The following TMEM132D variants were observed in gnomAD, a reference collection of about 807,000 sequenced individuals.
TMEM132D encodes the protein mature OL transmembrane protein.
In TMEM132D, 21 loss-of-function variants were observed where a neutral mutation model predicts 62.3. The ratio of observed to expected loss-of-function variants is 0.34; its 90% confidence interval spans 0.24 to 0.49. TMEM132D has a LOEUF of 0.49. Ranked by LOEUF, TMEM132D falls within the 20% of genes least tolerant of loss-of-function variation. TMEM132D has a pLI of 0.99. For synonymous variants in TMEM132D, 621 were observed against 575.6 expected (o/e 1.08, Z -1.13); for missense variants, 1,346 against 1,402.8 (o/e 0.96, Z 0.65).
intron 3 of TMEM132D, among the ~76,000 whole-genome samples, chr12:129,496,750 C>T (rs1874969783): frequency 6.6e-6 from 1 of 152,022 alleles, no homozygotes; most frequent in East Asian, 1.9e-4. Flanking sequence ...TCAGAGTGAA[C>T]ACTACCTATG....
rs539893626 is a variant in TMEM132D at position 129,366,170 on chromosome 12, TAAACACAGTCTTAGGGA to T, written c.1116-28370_1116-28354del. Among the ~76,000 whole-genome samples the T allele has an allele frequency of 2.8e-4, 43 of 152,340 alleles. 1 individual carries two copies. Among genetic ancestry groups the T allele is most frequent in the Admixed American group, 2.3e-3 (35 of 15,302 alleles). On this transcript the variant is annotated intron_variant, in intron 3 of 8. Coordinates refer to ENST00000422113, the MANE Select transcript of TMEM132D (RefSeq NM_133448.3). ...TATCATCTTGTATATTTTGTTTTAG[TAAACACAGTCTTAGGGA>T]AAAGCCCTGTGTTATTGTTTGGTCT... is the stretch of plus-strand genomic sequence containing the variant.
At chr12:129,451,302 T>C (rs973373925) in intron 3 of TMEM132D, among the ~76,000 whole-genome samples, 2 of 152,200 alleles carry the variant, frequency 1.3e-5, no homozygotes, top group African/African-American at 2.4e-5. Context: ...GTTAGAACTC[T>C]GATAAGCAGG....
rs926662174 is a variant in TMEM132D, at chr12:129,779,241, C to T, written c.80-78543G>A. ...AGAGTAGAACGGCTACACCCAGCTA[C>T]AAGCAGTACCAGGAAATGAAGCTTT... On this transcript the variant is annotated intron_variant, in intron 1 of 8. Coordinates refer to ENST00000422113, the MANE Select transcript of TMEM132D (RefSeq NM_133448.3). The surrounding 1 kb of genome is among the most constrained non-coding windows in gnomAD (Gnocchi z 4.1). Among the ~76,000 whole-genome samples the T allele has an allele frequency of 6.6e-6, 1 of 152,230 alleles. No homozygotes were observed. Among genetic ancestry groups the T allele is most frequent in the African/African-American group, 2.4e-5 (1 of 41,452 alleles).
intron 3 of TMEM132D, among the ~76,000 whole-genome samples, chr12:129,493,181 A>G (rs1874853062): frequency 6.6e-6 from 1 of 152,210 alleles, no homozygotes; most frequent in African/African-American, 2.4e-5. Context: ...AGATTCTGTA[A>G]CTAACAACCA....
At chr12:129,809,860 T>C (rs1872116739) in intron 1 of TMEM132D, among the ~76,000 whole-genome samples, 2 of 152,148 alleles carry the variant, frequency 1.3e-5, no homozygotes. Context: ...AAAAACCCTG[T>C]GTTAATAAAT....
chr12:129,885,171 A>T (rs1421970262), intron 1 of TMEM132D, among the ~76,000 whole-genome samples: 1 of 152,180 alleles, frequency 6.6e-6, no homozygotes, highest in Non-Finnish European at 1.5e-5. Context: ...GGGTTACAGA[A>T]ATGTTCTGTA....
At chr12:129,198,473 T>C (rs1309870558) in intron 5 of TMEM132D, among the ~76,000 whole-genome samples, 1 of 152,210 alleles carries the variant, frequency 6.6e-6, no homozygotes, top group East Asian at 1.9e-4. Flanking sequence ...AATGGAATAC[T>C]AGCCAGACAT....
At chr12:129,764,594 ATGTG>A (rs10542789) in intron 1 of TMEM132D, among the ~76,000 whole-genome samples, 33 of 151,616 alleles carry the variant, frequency 2.2e-4, no homozygotes, top group Admixed American at 1.6e-3. Context: ...GTGTGTTTGT[ATGTG>A]TGTGTGTGTG....
chr12:129,869,019 C>T (rs560614521), intron 1 of TMEM132D, among the ~76,000 whole-genome samples: 64 of 151,870 alleles, frequency 4.2e-4, no homozygotes, highest in Non-Finnish European at 8.1e-4. Context: ...CATATCTGGC[C>T]CTTAGAACCG....
chr12:129,539,340 T>G (rs958393700), intron 2 of TMEM132D, among the ~76,000 whole-genome samples: 18 of 149,404 alleles, frequency 1.2e-4, no homozygotes, highest in African/African-American at 4.5e-4. Flanking sequence ...CCAGTGATCC[T>G]CCCAGCTCAG....
At chr12:129,518,051 A>C (rs1005667668) in intron 3 of TMEM132D, among the ~76,000 whole-genome samples, 1 of 152,224 alleles carries the variant, frequency 6.6e-6, no homozygotes, top group African/African-American at 2.4e-5. Flanking sequence ...TATAACTACA[A>C]GATCATCACA....
intron 3 of TMEM132D, among the ~76,000 whole-genome samples, chr12:129,499,090 C>A (rs897150920): frequency 6.6e-6 from 1 of 152,080 alleles, no homozygotes; most frequent in African/African-American, 2.4e-5. Flanking sequence ...GGAGCTGGAA[C>A]TAGTATAGGA....
At chr12:129,340,744 T>C (rs1203919593) in intron 3 of TMEM132D, among the ~76,000 whole-genome samples, 2 of 152,188 alleles carry the variant, frequency 1.3e-5, no homozygotes, top group African/African-American at 4.8e-5. Context: ...ACTGGGTATA[T>C]ACCCAAAGGA....
intron 2 of TMEM132D, among the ~76,000 whole-genome samples, chr12:129,570,249 C>T (rs1358856829): frequency 3.3e-5 from 5 of 152,160 alleles, no homozygotes; most frequent in Non-Finnish European, 5.9e-5. Flanking sequence ...AGCAGTATCA[C>T]GGTTGGTCAA....
intron 3 of TMEM132D, among the ~76,000 whole-genome samples, chr12:129,365,901 C>A (rs1032777626): frequency 6.6e-6 from 1 of 152,002 alleles, no homozygotes; most frequent in Non-Finnish European, 1.5e-5. Flanking sequence ...ATCCAGGCAG[C>A]GCATCTCCTT....
chr12:129,209,494 G>A, intron 5 of TMEM132D, 26 bp downstream of exon 5: 1 of 1,612,510 alleles, frequency 6.2e-7, no homozygotes, highest in Non-Finnish European at 8.5e-7. Context: ...GCAGGTTTCT[G>A]CAGGGGCGGG....
At chr12:129,557,354 G>A (rs1877091492) in intron 2 of TMEM132D, among the ~76,000 whole-genome samples, 1 of 152,174 alleles carries the variant, frequency 6.6e-6, no homozygotes, top group African/African-American at 2.4e-5. Context: ...CTGCCAGGGT[G>A]TGGGAAATGA....
intron 2 of TMEM132D, among the ~76,000 whole-genome samples, chr12:129,687,030 T>C (rs10847922): frequency 0.28 from 42,931 of 152,082 alleles, 6,267 homozygotes; most frequent in South Asian, 0.36. Flanking sequence ...TATGACTCAA[T>C]AGGAGCAAAC....
intron 3 of TMEM132D, among the ~76,000 whole-genome samples, chr12:129,374,364 C>T (rs1383712710): frequency 6.6e-6 from 1 of 151,788 alleles, no homozygotes; most frequent in African/African-American, 2.4e-5. Flanking sequence ...CTTCATTTAA[C>T]CTTAATTACC....
Sources: allele counts gnomAD v4.1 joint callset (sites outside exome capture counted in the v4.1 genomes callset), GRCh38; gene constraint gnomAD v4.1.1; non-coding constraint Gnocchi (gnomAD v3.1); transcripts MANE v1.5; gene names NCBI Gene and HGNC (gene_info 2026-07-23, HGNC 2026-07-21).